Variants in PARD3B observed in about 807,000 individuals in gnomAD.
PARD3B encodes partitioning defective 3 homolog B.
PARD3B carries 103 observed loss-of-function variants against 130.2 expected under a neutral mutation model. The observed-to-expected ratio is 0.79, with a 90% CI of 0.67 to 0.93. PARD3B has a LOEUF of 0.93. PARD3B is among the 40% of genes least tolerant of loss of function. The pLI, the probability that PARD3B is intolerant of heterozygous loss-of-function variation, is 0.00. For synonymous variants in PARD3B, 583 were observed against 553.2 expected, an observed-to-expected ratio of 1.05 and a Z score of -0.76; for missense variants, 1,609 against 1,499.2, an observed-to-expected ratio of 1.07 and a Z score of -1.21.
intron 3 of PARD3B, among the ~76,000 whole-genome samples, chr2:205,025,711 A>G (rs1696964267): frequency 6.6e-6 from 1 of 152,058 alleles, no homozygotes. Flanking sequence ...ATACATAAAT[A>G]ACCACACGTC....
At chr2:205,606,033 C>A (rs2054981699) in intron 22 of PARD3B, among the ~76,000 whole-genome samples, 2 of 152,164 alleles carry the variant, frequency 1.3e-5, no homozygotes, top group South Asian at 4.1e-4. Flanking sequence ...CCACGATCCG[C>A]CACAGCTGCT....
At chr2:205,445,374 C>T (rs1035255706) in intron 20 of PARD3B, among the ~76,000 whole-genome samples, 2 of 152,204 alleles carry the variant, frequency 1.3e-5, no homozygotes, top group Admixed American at 1.3e-4. Flanking sequence ...AATTGGCTCA[C>T]AGTTCTGCAG....
intron 1 of PARD3B, among the ~76,000 whole-genome samples, chr2:204,597,063 A>T (rs1183765133): frequency 6.6e-6 from 1 of 152,082 alleles, no homozygotes; most frequent in Admixed American, 6.5e-5. Context: ...TAAAGGCAGC[A>T]ATTTCAGGCT....
intron 22 of PARD3B, among the ~76,000 whole-genome samples, chr2:205,577,645 T>C (rs2053810145): frequency 6.6e-6 from 1 of 152,242 alleles, no homozygotes; most frequent in African/African-American, 2.4e-5. Context: ...TTCTCAAGGA[T>C]AGCTTAAAAA....
intron 4 of PARD3B, among the ~76,000 whole-genome samples, chr2:205,085,319 A>T (rs1701678734): frequency 6.6e-6 from 1 of 152,014 alleles, no homozygotes; most frequent in Admixed American, 6.6e-5. Context: ...TGTCATATTT[A>T]GATATGACTC....
chr2:204,686,257 CA>C lies in PARD3B; in HGVS notation c.198del (p.Asp67MetfsTer9). ...ATCCTGGATCCAGATGATGTCTTGG[CA>C]GATGTTGTTGAAGATAAAGACAAGG... ...GGILDPDDVL[A>X]DVVEDKDKLI... On this transcript the variant is annotated frameshift_variant, in exon 2 of 23. Coordinates refer to ENST00000406610, the MANE Select transcript of PARD3B (RefSeq NM_001302769.2). LOFTEE classifies it high-confidence loss of function. The C allele has an allele frequency of 1.2e-6, 2 of 1,611,500 alleles. No homozygotes were observed. Among genetic ancestry groups the C allele is most frequent in the Non-Finnish European group, 1.7e-6 (2 of 1,177,854 alleles).
At chr2:204,696,585 A>G (rs2037622253) in intron 2 of PARD3B, among the ~76,000 whole-genome samples, 1 of 151,992 alleles carries the variant, frequency 6.6e-6, no homozygotes. Context: ...TTCTATATAA[A>G]CCGCTTGTAC....
At position 205,440,912 on chromosome 2, in the gene PARD3B, G is replaced by C. The variant is rs2047693072; in HGVS notation, c.3044+240G>C. Among the ~76,000 whole-genome samples the C allele has an allele frequency of 6.6e-6, 1 of 152,202 alleles. No individual in the cohort carries two copies. The highest frequency in any genetic ancestry group is 1.5e-5 in the Non-Finnish European group (1 of 68,034). On this transcript the variant is annotated intron_variant, in intron 20 of 22. Coordinates refer to ENST00000406610, the MANE Select transcript of PARD3B (RefSeq NM_001302769.2). The surrounding 1 kb of genome is among the most constrained non-coding windows in gnomAD (Gnocchi z 4.2). ...AGCAGAGTTCATGATGCAATAGGGA[G>C]CCATTTTTGAAGGAGTATTGTGACA...
intron 16 of PARD3B, among the ~76,000 whole-genome samples, chr2:205,249,286 A>G (rs1369066969): frequency 6.6e-6 from 1 of 151,886 alleles, no homozygotes; most frequent in Non-Finnish European, 1.5e-5. Flanking sequence ...AGGAAGTTAA[A>G]CAAATTAAAT....
chr2:204,920,891 T>G (rs183357512), intron 2 of PARD3B, among the ~76,000 whole-genome samples: 171 of 152,378 alleles, frequency 1.1e-3, no homozygotes, highest in Non-Finnish European at 2.1e-3. Flanking sequence ...AATTTGGTGC[T>G]AATCACATTT....
At chr2:205,132,818 GAATT>G (rs1479253127) in intron 10 of PARD3B, among the ~76,000 whole-genome samples, 2 of 152,152 alleles carry the variant, frequency 1.3e-5, no homozygotes, top group East Asian at 3.9e-4. Context: ...GGTTGTGTGA[GAATT>G]AACTGTGTGC....
In PARD3B at chr2:205,572,324, A is replaced by G. The variant is rs373251711; in HGVS notation, c.3260+18921A>G. ...GAAGTGGCAAGATGTGTAGCACTTT[A>G]TACAACACGCTAGGGACTTTGACTC... is the stretch of plus-strand genomic sequence containing the variant. On this transcript the variant is annotated intron_variant, in intron 22 of 22. Transcript: ENST00000406610. The surrounding 1 kb of genome is among the most constrained non-coding windows in gnomAD (Gnocchi z 4.2). 1.4e-4 allele frequency among the ~76,000 whole-genome samples: 21 copies of G among 152,350 alleles called. No individual in the cohort carries two copies. The highest frequency in any genetic ancestry group is 4.8e-4 in the African/African-American group (20 of 41,588).
intron 3 of PARD3B, among the ~76,000 whole-genome samples, chr2:204,986,715 A>G (rs541048202): frequency 2.6e-4 from 40 of 152,336 alleles, no homozygotes; most frequent in African/African-American, 9.1e-4. Context: ...ATGTGATAGC[A>G]GCTAGAAGAG....
intron 18 of PARD3B, among the ~76,000 whole-genome samples, chr2:205,388,653 A>G (rs2045746026): frequency 6.6e-6 from 1 of 152,196 alleles, no homozygotes; most frequent in Admixed American, 6.5e-5. Flanking sequence ...TGGAGAATGG[A>G]ATTATATCTA....
intron 21 of PARD3B, among the ~76,000 whole-genome samples, chr2:205,506,057 G>A (rs181948634): frequency 2.6e-5 from 4 of 152,268 alleles, no homozygotes; most frequent in South Asian, 2.1e-4. Flanking sequence ...GGTGCTGGCC[G>A]GGCACAGTGG....
rs2041470376 is a variant in PARD3B at position 205,288,231 on chromosome 2, C to T, written c.2186-12299C>T. 6.6e-6 allele frequency among the ~76,000 whole-genome samples: 1 copy of T among 152,128 alleles called. No homozygotes were observed. The highest frequency in any genetic ancestry group is 2.1e-4 in the South Asian group (1 of 4,816). On this transcript the variant is annotated intron_variant, in intron 16 of 22. Transcript: ENST00000406610. This position sits in a 1 kb window ranked among gnomAD's most constrained non-coding sequence, Gnocchi z 4.0. ...CCCAGACACATAACCCTGAGCACCTCCTGGCTCCCAAGTGCATTAAGATAT... is the reference window on the plus strand; with the variant it reads ...CCCAGACACATAACCCTGAGCACCTTCTGGCTCCCAAGTGCATTAAGATAT...
At position 205,146,563 on chromosome 2, in the gene PARD3B, A is replaced by G. The variant is rs2033375414; in HGVS notation, c.1435-12159A>G. Among the ~76,000 whole-genome samples, 1 of 151,768 alleles carries G rather than the reference A, an allele frequency of 6.6e-6. No individual in the cohort carries two copies. ...CTACTCGGGAGGCTGAGGCAGGAGAATGGCGTGAACCCGGGAGGCGGAGCT... is the reference window on the plus strand; with the variant it reads ...CTACTCGGGAGGCTGAGGCAGGAGAGTGGCGTGAACCCGGGAGGCGGAGCT... On this transcript the variant is annotated intron_variant, in intron 10 of 22. Transcript: ENST00000406610. This position sits in a 1 kb window ranked among gnomAD's most constrained non-coding sequence, Gnocchi z 4.3.
chr2:204,980,445 T>A (rs1449910278), intron 3 of PARD3B, among the ~76,000 whole-genome samples: 8 of 152,190 alleles, frequency 5.3e-5, no homozygotes, highest in Admixed American at 3.9e-4. Context: ...GATAGTACTT[T>A]CACCTTGAGT....
chr2:204,695,442 T>C (rs1476939185), intron 2 of PARD3B, among the ~76,000 whole-genome samples: 1 of 152,056 alleles, frequency 6.6e-6, no homozygotes, highest in African/African-American at 2.4e-5. Flanking sequence ...CAGATCGTGC[T>C]CCACTAATAC....
Sources: allele counts gnomAD v4.1 joint callset (sites outside exome capture counted in the v4.1 genomes callset), GRCh38; gene constraint gnomAD v4.1.1; non-coding constraint Gnocchi (gnomAD v3.1); transcripts MANE v1.5; gene names NCBI Gene and HGNC (gene_info 2026-07-23, HGNC 2026-07-21).